The following SAMMSON variants were observed in gnomAD, a reference collection of about 807,000 sequenced individuals.
SAMMSON encodes the protein survival associated mitochondrial melanoma specific oncogenic non-coding RNA.
intron 4 of SAMMSON, among the ~76,000 whole-genome samples, chr3:70,225,602 G>A (rs1162010855): frequency 2.7e-5 from 4 of 147,014 alleles, no homozygotes; most frequent in African/African-American, 9.7e-5. Context: ...TAAAAGTGAA[G>A]ATGCTAGAAG....
rs139510650 is a variant in SAMMSON, at chr3:70,029,728, C to T, written n.417+16056C>T. 8.7e-3 allele frequency among the ~76,000 whole-genome samples: 1,288 copies of T among 147,206 alleles called. 23 individuals are homozygous for T. The highest frequency in any genetic ancestry group is 0.031 in the African/African-American group (1,226 of 39,604). ...CGAGATCACACCAGTGCATTCCAAT[C>T]TGCGTGACAGAGTAAGACTCTGTCA... On this transcript the variant is annotated intron_variant and non_coding_transcript_variant, in intron 3 of 9. Transcript: ENST00000642114.
intron 9 of SAMMSON, among the ~76,000 whole-genome samples, chr3:70,388,912 G>C (rs1381016026): frequency 6.6e-6 from 1 of 152,068 alleles, no homozygotes; most frequent in African/African-American, 2.4e-5. Context: ...CTAGTGGGAG[G>C]TGTTTGGATC....
At chr3:70,208,928 G>A (rs961466408) in intron 4 of SAMMSON, among the ~76,000 whole-genome samples, 1 of 152,010 alleles carries the variant, frequency 6.6e-6, no homozygotes, top group Non-Finnish European at 1.5e-5. Context: ...CAGAAATAGG[G>A]ATTCAAGAAA....
At chr3:70,074,275 A>T (rs2067240676) in intron 4 of SAMMSON, among the ~76,000 whole-genome samples, 1 of 152,130 alleles carries the variant, frequency 6.6e-6, no homozygotes, top group Admixed American at 6.6e-5. Context: ...CATATTATTT[A>T]CAATTGTGTT....
chr3:70,392,244 G>A (rs991154797), downstream of SAMMSON, among the ~76,000 whole-genome samples: 1 of 152,122 alleles, frequency 6.6e-6, no homozygotes, highest in Non-Finnish European at 1.5e-5. Context: ...ACTGCACAAA[G>A]TTTTTACATG....
At chr3:70,419,725 G>A (rs1701296420) in intron 2 of SAMMSON, among the ~76,000 whole-genome samples, 1 of 152,132 alleles carries the variant, frequency 6.6e-6, no homozygotes, top group African/African-American at 2.4e-5. Flanking sequence ...TGCAAGCTCC[G>A]CCTCCCGGGT....
intron 4 of SAMMSON, among the ~76,000 whole-genome samples, chr3:70,100,845 A>T (rs915806250): frequency 6.6e-6 from 1 of 152,204 alleles, no homozygotes; most frequent in Admixed American, 6.5e-5. Flanking sequence ...CACATATTTT[A>T]GTATGCAGAT....
intron 3 of SAMMSON, among the ~76,000 whole-genome samples, chr3:70,019,767 G>A (rs1036279610): frequency 2.0e-5 from 3 of 152,036 alleles, no homozygotes; most frequent in African/African-American, 7.2e-5. Context: ...GCTCTTGTAG[G>A]GCTGACCTGG....
intron 4 of SAMMSON, among the ~76,000 whole-genome samples, chr3:70,133,224 C>G (rs1446778490): frequency 2.0e-5 from 3 of 151,984 alleles, no homozygotes; most frequent in African/African-American, 7.3e-5. Context: ...AACTTTCAGC[C>G]CCACTTCGTG....
chr3:70,217,718 G>A (rs1429550334), intron 4 of SAMMSON, among the ~76,000 whole-genome samples: 2 of 152,152 alleles, frequency 1.3e-5, no homozygotes, highest in Non-Finnish European at 2.9e-5. Flanking sequence ...GAATTGGGCA[G>A]TTAAGGACAT....
chr3:70,300,747 C>T (rs1199498432), intron 7 of SAMMSON, among the ~76,000 whole-genome samples: 1 of 151,998 alleles, frequency 6.6e-6, no homozygotes, highest in East Asian at 1.9e-4. Context: ...TTACAAAACC[C>T]ATACTTGGCT....
intron 1 of SAMMSON, among the ~76,000 whole-genome samples, chr3:70,010,071 T>C (rs545920546): frequency 6.6e-6 from 1 of 152,260 alleles, no homozygotes; most frequent in Admixed American, 6.5e-5. Context: ...ACGTGGTCAA[T>C]TTTGGAATAA....
At chr3:70,114,390 ATC>A (rs1043440366) in intron 4 of SAMMSON, among the ~76,000 whole-genome samples, 5 of 152,212 alleles carry the variant, frequency 3.3e-5, no homozygotes, top group African/African-American at 1.2e-4. Flanking sequence ...CCTCAACGAA[ATC>A]TCTTTGTCGA....
At chr3:70,428,090 A>G (rs77815815) in intron 2 of SAMMSON, among the ~76,000 whole-genome samples, 1 of 152,154 alleles carries the variant, frequency 6.6e-6, no homozygotes. Flanking sequence ...CTGCGGAAAG[A>G]AATTAAAGAA....
intron 6 of SAMMSON, among the ~76,000 whole-genome samples, chr3:70,252,118 C>G (rs1701774909): frequency 6.6e-6 from 1 of 152,116 alleles, no homozygotes; most frequent in African/African-American, 2.4e-5. Context: ...GAATTCAGCT[C>G]ATATAGATCT....
At chr3:70,037,939 A>C (rs185080731) in intron 3 of SAMMSON, among the ~76,000 whole-genome samples, 1 of 152,200 alleles carries the variant, frequency 6.6e-6, no homozygotes, top group African/African-American at 2.4e-5. Context: ...GTTCGATTAT[A>C]TTAACCTGGC....
chr3:70,351,961 G>A (rs1702797869), intron 7 of SAMMSON, among the ~76,000 whole-genome samples: 1 of 151,972 alleles, frequency 6.6e-6, no homozygotes, highest in African/African-American at 2.4e-5. Context: ...AGAAAAAAAA[G>A]AGACTTTTAA....
chr3:70,414,085 AGAT>A (rs2106770305), intron 2 of SAMMSON, among the ~76,000 whole-genome samples: 1 of 152,242 alleles, frequency 6.6e-6, no homozygotes, highest in East Asian at 1.9e-4. Context: ...CATTTATCTT[AGAT>A]AACTTGGTTC....
At chr3:70,406,892 A>ATTTCT (rs1445236959) in intron 2 of SAMMSON, among the ~76,000 whole-genome samples, 4 of 152,216 alleles carry the variant, frequency 2.6e-5, no homozygotes, top group Non-Finnish European at 5.9e-5. Flanking sequence ...AATCATATGT[A>ATTTCT]TTAGTCTGTT....
Sources: allele counts gnomAD v4.1 joint callset (sites outside exome capture counted in the v4.1 genomes callset), GRCh38; gene constraint gnomAD v4.1.1; transcripts MANE v1.5; gene names NCBI Gene and HGNC (gene_info 2026-07-23, HGNC 2026-07-21).